Variants in PCDHGA7 observed in about 807,000 individuals in gnomAD.
The protein encoded by PCDHGA7 is protocadherin gamma-A7.
In PCDHGA7, 44 loss-of-function variants were observed where a neutral mutation model predicts 58.3. The ratio of observed to expected loss-of-function variants is 0.75; its 90% CI spans 0.59 to 0.97. PCDHGA7 has a LOEUF of 0.97. Among genes scored for constraint, PCDHGA7 ranks in the 50% least tolerant of loss-of-function variants. The pLI is 0.00. For synonymous variants in PCDHGA7, 516 were observed against 504.2 expected, an observed-to-expected ratio of 1.02 and a Z score of -0.31; for missense variants, 1,266 against 1,188.7, an observed-to-expected ratio of 1.06 and a Z score of -0.96.
chr5:141,486,399 C>G lies in PCDHGA7; in HGVS notation c.2425-8408C>G. On this transcript the variant is annotated intron_variant, in intron 1 of 3. Transcript: ENST00000518325. The surrounding 1 kb of genome is among the most constrained non-coding windows in gnomAD (Gnocchi z 5.0). ...TTCAGGAACCAGTTCTCCCTGGTGA[C>G]TGCTGGACCCTTGGATCGAGAGGCC... The G allele has an allele frequency of 6.2e-7, 1 of 1,614,188 alleles. No individual in the cohort carries two copies. The highest frequency in any genetic ancestry group is 1.1e-5 in the South Asian group (1 of 91,090).
intron 1 of PCDHGA7, chr5:141,403,432 G>A: frequency 1.2e-6 from 2 of 1,614,018 alleles, no homozygotes; most frequent in Non-Finnish European, 1.7e-6. Flanking sequence ...CTATTGATCC[G>A]GATGTTGGCG....
At chr5:141,433,129 C>T in intron 1 of PCDHGA7, 1 of 1,614,130 alleles carries the variant, frequency 6.2e-7, no homozygotes, top group Non-Finnish European at 8.5e-7. Context: ...AAAGCGAGCC[C>T]CTTTTGCTGT....
At chr5:141,403,901 A>G in intron 1 of PCDHGA7, 3 of 1,613,926 alleles carry the variant, frequency 1.9e-6, no homozygotes, top group Non-Finnish European at 2.5e-6. Context: ...ATTTTATGAA[A>G]TGGAAATACA....
chr5:141,391,071 T>C (rs905482954), intron 1 of PCDHGA7: 2 of 152,220 alleles, frequency 1.3e-5, no homozygotes, highest in African/African-American at 4.8e-5. Context: ...CCCTAATATA[T>C]AATGTGTAAC....
In PCDHGA7 at chr5:141,489,210, G is replaced by A; in HGVS notation, c.2425-5597G>A. ...TCTACCTTGGAGACAGGACAGCACAGACTTACTCTCCACAAAGGGACTTCT... is the reference window on the plus strand; with the variant it reads ...TCTACCTTGGAGACAGGACAGCACAAACTTACTCTCCACAAAGGGACTTCT... On this transcript the variant is annotated intron_variant, in intron 1 of 3. Coordinates refer to ENST00000518325, the MANE Select transcript of PCDHGA7 (RefSeq NM_018920.4). The surrounding 1 kb of genome is among the most constrained non-coding windows in gnomAD (Gnocchi z 4.5). 6 of 1,461,860 alleles carry A rather than the reference G, an allele frequency of 4.1e-6. No homozygotes were observed. Among genetic ancestry groups the A allele is most frequent in the Non-Finnish European group, 5.6e-6 (6 of 1,080,904 alleles). 90.6% of individuals were successfully genotyped at this position (1,461,860 alleles called of 1,614,324 possible). A position where few individuals can be genotyped will look rare whatever the true frequency, so the allele number is the denominator to read the frequency against.
At position 141,485,133 on chromosome 5, in the gene PCDHGA7, C is replaced by A; in HGVS notation, c.2425-9674C>A. On this transcript the variant is annotated intron_variant, in intron 1 of 3. Transcript: ENST00000518325. The surrounding 1 kb of genome is among the most constrained non-coding windows in gnomAD (Gnocchi z 5.7). Reference sequence around the variant, plus strand: ...GCTGTTTGGGGCGGGTCGGCTTCATCCGCGTCTCAGGAGCAAGTAGAGAAT... The same window carrying A: ...GCTGTTTGGGGCGGGTCGGCTTCATACGCGTCTCAGGAGCAAGTAGAGAAT... The A allele has an allele frequency of 2.7e-6, 4 of 1,492,492 alleles. No homozygotes were observed. The highest frequency in any genetic ancestry group is 1.7e-5 in the Admixed American group (1 of 58,334). The allele number at this position is 1,492,492 out of a possible 1,614,324, so 92.5% of individuals were successfully genotyped here.
chr5:141,464,911 T>G (rs2099093002), intron 1 of PCDHGA7, among the ~76,000 whole-genome samples: 1 of 151,718 alleles, frequency 6.6e-6, no homozygotes, highest in Non-Finnish European at 1.5e-5. Context: ...GCTAATTTTT[T>G]TATTTTTTTG....
chr5:141,407,618 T>C (rs2094961239), intron 1 of PCDHGA7, among the ~76,000 whole-genome samples: 1 of 152,204 alleles, frequency 6.6e-6, no homozygotes, highest in South Asian at 2.1e-4. Context: ...TTGGTTGACA[T>C]TCTATATCTC....
chr5:141,417,647 C>G, intron 1 of PCDHGA7: 8 of 812,384 alleles, frequency 9.8e-6, no homozygotes, highest in Non-Finnish European at 1.5e-5. Flanking sequence ...ATCCCTCAGC[C>G]TCTAGCCTGG....
At chr5:141,481,811 G>T (rs1050821120) in intron 1 of PCDHGA7, among the ~76,000 whole-genome samples, 3 of 151,892 alleles carry the variant, frequency 2.0e-5, no homozygotes, top group Admixed American at 1.3e-4. Flanking sequence ...AATTCACCAG[G>T]CGTGGTGGCT....
intron 1 of PCDHGA7, chr5:141,478,484 C>A (rs376021397): frequency 1.2e-5 from 20 of 1,613,340 alleles, no homozygotes; most frequent in Non-Finnish European, 1.4e-5. Context: ...GAACACGCTG[C>A]GGAGCTGTGA....
Position 141,490,318 on chromosome 5 carries a change from C to T in PCDHGA7, c.2425-4489C>T. ...ATTGGCCTCTTTGGCCAACCCTGTCCTAGAGAGCACACCAGTGGGCACAGT... is the reference window on the plus strand; with the variant it reads ...ATTGGCCTCTTTGGCCAACCCTGTCTTAGAGAGCACACCAGTGGGCACAGT... On this transcript the variant is annotated intron_variant, in intron 1 of 3. Transcript: ENST00000518325. The surrounding 1 kb of genome is among the most constrained non-coding windows in gnomAD (Gnocchi z 5.4). 1 of 1,614,220 alleles carries T rather than the reference C, an allele frequency of 6.2e-7. No homozygotes were observed.
intron 1 of PCDHGA7, chr5:141,414,582 C>T (rs2095761888): frequency 2.5e-6 from 4 of 1,613,862 alleles, no homozygotes; most frequent in Non-Finnish European, 3.4e-6. Flanking sequence ...CAGAGAACAA[C>T]GCCAGGGGTG....
chr5:141,438,180 A>G (rs2097937602), intron 1 of PCDHGA7, among the ~76,000 whole-genome samples: 1 of 152,204 alleles, frequency 6.6e-6, no homozygotes, highest in African/African-American at 2.4e-5. Context: ...AATATTTTAT[A>G]AAGGATGAGA....
chr5:141,430,992 A>G (rs1223969128), intron 1 of PCDHGA7: 2 of 1,613,824 alleles, frequency 1.2e-6, no homozygotes, highest in Admixed American at 3.3e-5. Context: ...TTCGCCCTGA[A>G]TCCGCGCAGC....
rs1385408442 is a variant in PCDHGA7 at position 141,487,321 on chromosome 5, T to A, written c.2425-7486T>A. 1 of 1,614,198 alleles carries A rather than the reference T, an allele frequency of 6.2e-7. No homozygotes were observed. The highest frequency in any genetic ancestry group is 1.7e-5 in the Admixed American group (1 of 60,032). ...TCGTGGCACTACTCTCTAAGTGTCT[T>A]CGTGGGGCAGCCTGTGGAGTCACAT... is the stretch of plus-strand genomic sequence containing the variant. On this transcript the variant is annotated intron_variant, in intron 1 of 3. Transcript: ENST00000518325. This position sits in a 1 kb window ranked among gnomAD's most constrained non-coding sequence, Gnocchi z 5.0.
chr5:141,433,174 G>A (rs1298757358), intron 1 of PCDHGA7: 1 of 1,610,308 alleles, frequency 6.2e-7, no homozygotes, highest in Non-Finnish European at 8.5e-7. Context: ...ACAGTCATGG[G>A]TTAATTGAGG....
intron 1 of PCDHGA7, chr5:141,395,542 TTGTG>T (rs55729045): frequency 0.22 from 37,255 of 170,042 alleles, 4,387 homozygotes; most frequent in East Asian, 0.36. Flanking sequence ...TTGCTATTGT[TTGTG>T]TGTGTGTGTG....
intron 1 of PCDHGA7, chr5:141,423,343 C>T: frequency 6.2e-7 from 1 of 1,614,208 alleles, no homozygotes; most frequent in South Asian, 1.1e-5. Flanking sequence ...CTGCATCTTC[C>T]TGGTCTTTGT....
Sources: allele counts gnomAD v4.1 joint callset (sites outside exome capture counted in the v4.1 genomes callset), GRCh38; gene constraint gnomAD v4.1.1; non-coding constraint Gnocchi (gnomAD v3.1); transcripts MANE v1.5; gene names NCBI Gene and HGNC (gene_info 2026-07-23, HGNC 2026-07-21).